The following AKAP7 variants were observed in gnomAD, a reference collection of about 807,000 sequenced individuals.
AKAP7 encodes A kinase (PRKA) anchor protein 7.
In AKAP7, 39 loss-of-function variants were observed where a neutral mutation model predicts 39.5. The observed-to-expected ratio is 0.99, with a 90% CI of 0.76 to 1.29. The LOEUF is 1.29. Ranked by LOEUF, AKAP7 falls within the 50% of genes most tolerant of loss-of-function variation. AKAP7 has a pLI of 0.00. For missense variants in AKAP7, 414 were observed against 407.7 expected (o/e 1.02, Z -0.13); for synonymous variants, 140 against 139.1 (o/e 1.01, Z -0.05).
At chr6:131,204,872 T>C (rs1403867978) in intron 6 of AKAP7, among the ~76,000 whole-genome samples, 3 of 152,192 alleles carry the variant, frequency 2.0e-5, no homozygotes, top group African/African-American at 4.8e-5. Context: ...GTTGAGATGC[T>C]CTGTTTTAAA....
intron 7 of AKAP7, among the ~76,000 whole-genome samples, chr6:131,246,124 G>T (rs1049683571): frequency 6.7e-6 from 1 of 149,288 alleles, no homozygotes; most frequent in African/African-American, 2.5e-5. Context: ...TATATGTTCA[G>T]TTATAGGTAG....
intron 6 of AKAP7, among the ~76,000 whole-genome samples, chr6:131,200,242 C>T (rs142407257): frequency 1.3e-5 from 2 of 152,274 alleles, no homozygotes; most frequent in Admixed American, 6.5e-5. Context: ...CCGCAGAAGT[C>T]GGAGCAACTT....
intron 2 of AKAP7, among the ~76,000 whole-genome samples, chr6:131,151,565 T>C (rs958884366): frequency 6.6e-6 from 1 of 150,704 alleles, no homozygotes; most frequent in African/African-American, 2.4e-5. Context: ...GCCAACATGG[T>C]GAAACCCTAT....
intron 6 of AKAP7, among the ~76,000 whole-genome samples, chr6:131,215,636 T>C (rs185799527): frequency 1.3e-5 from 2 of 152,356 alleles, no homozygotes; most frequent in East Asian, 3.9e-4. Context: ...TGAAGAACTT[T>C]AAGATTTGCC....
At position 131,170,775 on chromosome 6, in the gene AKAP7, T is replaced by G. The variant is rs528529430; in HGVS notation, c.589+1502T>G. On this transcript the variant is annotated intron_variant, in intron 5 of 7. Transcript: ENST00000431975. ...ATGTCAGTGTTTATATAGGGCTGGATTATCATACAGATTAATTGTTAGAAT... is the reference window on the plus strand; with the variant it reads ...ATGTCAGTGTTTATATAGGGCTGGAGTATCATACAGATTAATTGTTAGAAT... 8.5e-5 allele frequency among the ~76,000 whole-genome samples: 13 copies of G among 152,332 alleles called. No individual in the cohort carries two copies. In the East Asian group the frequency reaches 2.5e-3, roughly 29 times the overall value.
At chr6:131,266,487 A>C (rs1248503868) in intron 7 of AKAP7, among the ~76,000 whole-genome samples, 1 of 152,230 alleles carries the variant, frequency 6.6e-6, no homozygotes, top group Non-Finnish European at 1.5e-5. Context: ...TTACATTTTC[A>C]AAGAACCTTA....
intron 7 of AKAP7, among the ~76,000 whole-genome samples, chr6:131,249,729 C>T (rs1161719179): frequency 6.6e-6 from 1 of 152,166 alleles, no homozygotes; most frequent in Non-Finnish European, 1.5e-5. Flanking sequence ...CCTGAATTTG[C>T]TCAATCACCT....
At chr6:131,130,053 T>C in the AKAP7 span, among the ~76,000 whole-genome samples, 5,612 of 152,226 alleles carry the variant, frequency 0.037, 127 homozygotes, top group South Asian at 0.08. Context: ...TGAGTCAATT[T>C]AGTAGTAGTT....
intron 2 of AKAP7, among the ~76,000 whole-genome samples, chr6:131,151,008 A>G (rs12204474): frequency 0.21 from 31,213 of 152,054 alleles, 3,854 homozygotes; most frequent in Non-Finnish European, 0.27. Context: ...GCACATTGCT[A>G]AATGCTTTAC....
intron 5 of AKAP7, among the ~76,000 whole-genome samples, chr6:131,170,351 A>G (rs990455882): frequency 2.0e-5 from 3 of 150,944 alleles, no homozygotes; most frequent in Non-Finnish European, 4.4e-5. Flanking sequence ...TGAATAGAGC[A>G]GAATCTGGAA....
At chr6:131,145,471 TTA>T in intron 2 of AKAP7, 55 bp downstream of exon 2, 3 of 1,176,456 alleles carry the variant, frequency 2.6e-6, no homozygotes, top group Non-Finnish European at 3.4e-6. Context: ...GTAAATTTAG[TTA>T]TATATATATT....
chr6:131,184,718 T>G, intron 5 of AKAP7: 2 of 855,030 alleles, frequency 2.3e-6, no homozygotes, highest in Non-Finnish European at 4.1e-6. Context: ...TCAGGACCCT[T>G]TTTGGATTTC....
Position 131,247,275 on chromosome 6 carries a change from A to G in AKAP7, c.850+27467A>G, listed in dbSNP as rs1358016959. Among the ~76,000 whole-genome samples, 143 of 16,692 alleles carry G rather than the reference A, an allele frequency of 8.6e-3. 1 individual carries two copies. Among genetic ancestry groups the G allele is most frequent in the African/African-American group, 0.041 (105 of 2,536 alleles). 11.0% of individuals were successfully genotyped at this position (16,692 alleles called of 152,430 possible). On this transcript the variant is annotated intron_variant, in intron 7 of 7. Coordinates refer to ENST00000431975, the MANE Select transcript of AKAP7 (RefSeq NM_016377.4). ...TTAATGACACATTTCATATGTATAT[A>G]TATATATATATATATATATATATAT...
chr6:131,252,910 ACTT>A (rs1169451058), intron 7 of AKAP7: 20 of 888,400 alleles, frequency 2.3e-5, no homozygotes, highest in East Asian at 2.5e-5. Flanking sequence ...GTGAATACTC[ACTT>A]CTTCTAATTC....
intron 3 of AKAP7, among the ~76,000 whole-genome samples, chr6:131,162,477 A>G (rs962789518): frequency 2.0e-5 from 3 of 152,146 alleles, no homozygotes; most frequent in Non-Finnish European, 4.4e-5. Context: ...TTCAAGTTTC[A>G]GTTTGTTCAG....
chr6:131,264,234 G>C (rs1813595073), intron 7 of AKAP7, among the ~76,000 whole-genome samples: 1 of 152,166 alleles, frequency 6.6e-6, no homozygotes, highest in South Asian at 2.1e-4. Context: ...TGCTTAACAT[G>C]TGTTCTCAGG....
At chr6:131,185,116 C>A (rs1199412630) in intron 5 of AKAP7, 4 of 631,466 alleles carry the variant, frequency 6.3e-6, no homozygotes, top group Non-Finnish European at 1.2e-5. Flanking sequence ...CCCAGGGGGT[C>A]AGTGTGCAAC....
At chr6:131,235,556 C>A (rs1810978454) in intron 7 of AKAP7, among the ~76,000 whole-genome samples, 1 of 152,220 alleles carries the variant, frequency 6.6e-6, no homozygotes, top group Admixed American at 6.5e-5. Flanking sequence ...TTCTCCACAT[C>A]CTCTCCAGCA....
chr6:131,233,659 A>G lies in AKAP7; in HGVS notation c.850+13851A>G, dbSNP rs890121471. Among the ~76,000 whole-genome samples the G allele has an allele frequency of 3.9e-5, 6 of 152,178 alleles. No homozygotes were observed. The South Asian group carries it at 1.2e-3, about 32-fold the overall frequency. ...TTCATCTTAATCTTACTAGGAGTAC[A>G]CTATTCTAGGCATTAGGAAAAACCT... On this transcript the variant is annotated intron_variant, in intron 7 of 7. Coordinates refer to ENST00000431975, the MANE Select transcript of AKAP7 (RefSeq NM_016377.4).
Sources: gnomAD v4.1 joint callset for allele counts (sites outside exome capture counted in the v4.1 genomes callset) on GRCh38, gnomAD v4.1.1 for gene constraint, MANE v1.5 for transcripts, NCBI Gene and HGNC (gene_info 2026-07-23, HGNC 2026-07-21) for gene names.